PPP1R12B: variants seen among roughly 807,000 people sequenced by gnomAD.
PPP1R12B encodes myosin phosphatase target subunit 2.
Under a neutral mutation model 126.1 loss-of-function variants are expected in PPP1R12B, and 76 were observed. The observed-to-expected ratio is 0.60, with a 90% CI of 0.50 to 0.73. PPP1R12B has a LOEUF of 0.73. Among genes scored for constraint, PPP1R12B ranks in the 30% least tolerant of loss-of-function variants. The pLI is 0.00. For synonymous variants in PPP1R12B, 356 were observed against 434.7 expected, an observed-to-expected ratio of 0.82 and a Z score of 2.25; for missense variants, 1,052 against 1,205.1, an observed-to-expected ratio of 0.87 and a Z score of 1.88.
chr1:202,438,415 C>A, intron 10 of PPP1R12B: 1 of 497,782 alleles, frequency 2.0e-6, no homozygotes. Flanking sequence ...TGTGCTGAAC[C>A]CTCTAAGCCC....
intron 13 of PPP1R12B, among the ~76,000 whole-genome samples, chr1:202,464,530 CT>C (rs1394272923): frequency 6.6e-6 from 1 of 152,116 alleles, no homozygotes; most frequent in African/African-American, 2.4e-5. Flanking sequence ...CCTTTGTGCA[CT>C]TTCACCCTGG....
chr1:202,523,724 TG>T (rs745370998), intron 18 of PPP1R12B, among the ~76,000 whole-genome samples: 2 of 152,300 alleles, frequency 1.3e-5, no homozygotes, highest in African/African-American at 2.4e-5. Flanking sequence ...TGTTTTGTTT[TG>T]TTTTTTTGAG....
In PPP1R12B at chr1:202,562,043, G is replaced by A. The variant is rs142479568; in HGVS notation, c.2508-735G>A. On this transcript the variant is annotated intron_variant, in intron 19 of 23. Transcript: ENST00000608999. ...AAGTCTGAGAAAAATATAAACCAGC[G>A]TTAAGGATTTAGGGTGATAGTTGTA... 8.9e-3 allele frequency among the ~76,000 whole-genome samples: 1,355 copies of A among 152,294 alleles called. 12 individuals are homozygous for A. The highest frequency in any genetic ancestry group is 0.037 in the Middle Eastern group (11 of 294).
intron 4 of PPP1R12B, 41 bp downstream of exon 4, chr1:202,425,766 G>A (rs376940994): frequency 1.3e-6 from 2 of 1,561,406 alleles, no homozygotes; most frequent in African/African-American, 1.4e-5. Context: ...TTCACTGGGA[G>A]AAGATGGAAT....
At chr1:202,535,653 C>T in intron 18 of PPP1R12B, among the ~76,000 whole-genome samples, 1 of 152,064 alleles carries the variant, frequency 6.6e-6, no homozygotes, top group East Asian at 1.9e-4. Context: ...CTCTTTTTTA[C>T]CTACAAGAAA....
intron 1 of PPP1R12B, among the ~76,000 whole-genome samples, chr1:202,406,241 G>A (rs1432598443): frequency 6.6e-6 from 1 of 152,200 alleles, no homozygotes; most frequent in Non-Finnish European, 1.5e-5. Flanking sequence ...TAGACCACTG[G>A]GGGGCTGTGA....
intron 18 of PPP1R12B, among the ~76,000 whole-genome samples, chr1:202,527,887 C>CAA (rs1683515567): frequency 6.6e-6 from 1 of 152,168 alleles, no homozygotes; most frequent in African/African-American, 2.4e-5. Context: ...AGAATTGAGG[C>CAA]AAAGAAAAAC....
intron 18 of PPP1R12B, among the ~76,000 whole-genome samples, chr1:202,554,469 TCTC>T (rs973127330): frequency 6.6e-6 from 1 of 152,046 alleles, no homozygotes; most frequent in African/African-American, 2.4e-5. Context: ...ATTTATCTAC[TCTC>T]CTCTAATTGG....
At chr1:202,418,283 A>T (rs901707953) in intron 2 of PPP1R12B, among the ~76,000 whole-genome samples, 2 of 152,146 alleles carry the variant, frequency 1.3e-5, no homozygotes, top group Non-Finnish European at 2.9e-5. Flanking sequence ...TGGCCTTTCA[A>T]TTGCTATTTG....
At chr1:202,522,468 C>CAAGT (rs1203090460) in intron 18 of PPP1R12B, among the ~76,000 whole-genome samples, 1 of 151,434 alleles carries the variant, frequency 6.6e-6, no homozygotes. Flanking sequence ...ATAGAAGGTA[C>CAAGT]AAGTCCTTAA....
rs553834707 is a variant in PPP1R12B, at chr1:202,568,653, G to T, written c.2812-494G>T. ...GAACGGGAGAGAAGCAACTACAGGG[G>T]GAGGGAAGAAACTAGGGGGAGAGAT... is the stretch of plus-strand genomic sequence containing the variant. On this transcript the variant is annotated intron_variant, in intron 22 of 23. Transcript: ENST00000608999. Among the ~76,000 whole-genome samples the T allele has an allele frequency of 8.5e-5, 13 of 152,262 alleles. No individual in the cohort carries two copies. The East Asian group carries it at 2.5e-3, about 29-fold the overall frequency.
In PPP1R12B at chr1:202,587,139, T is replaced by C. The variant is rs1161599438; in HGVS notation, c.*6579T>C. The C allele has an allele frequency of 6.6e-6, 1 of 152,226 alleles. No homozygotes were observed. Among genetic ancestry groups the C allele is most frequent in the African/African-American group, 2.4e-5 (1 of 41,450 alleles). 9.4% of individuals were successfully genotyped at this position (152,226 alleles called of 1,614,324 possible). ...CTCCTCCAAATTTTTCCCTGATGTT[T>C]CCAATAAAGATTTACTTGGGTGGCC... On this transcript the variant is annotated 3_prime_UTR_variant, in exon 24 of 24. Transcript: ENST00000608999.
At chr1:202,399,616 C>T (rs1484569261) in intron 1 of PPP1R12B, among the ~76,000 whole-genome samples, 1 of 152,010 alleles carries the variant, frequency 6.6e-6, no homozygotes, top group Non-Finnish European at 1.5e-5. Flanking sequence ...CCTGCCTCAG[C>T]CTCCTGAGTA....
intron 13 of PPP1R12B, among the ~76,000 whole-genome samples, chr1:202,487,667 G>C (rs1270959456): frequency 6.6e-6 from 1 of 151,366 alleles, no homozygotes; most frequent in Admixed American, 6.6e-5. Context: ...GGAGTGCAGT[G>C]GTGCATTCTC....
At chr1:202,411,557 G>C (rs1035883928) in intron 1 of PPP1R12B, among the ~76,000 whole-genome samples, 3 of 151,800 alleles carry the variant, frequency 2.0e-5, no homozygotes, top group East Asian at 1.9e-4. Flanking sequence ...GGGTGGGAGG[G>C]GAGGGCTGTG....
At chr1:202,377,192 G>C (rs1311425350) in intron 1 of PPP1R12B, among the ~76,000 whole-genome samples, 1 of 151,374 alleles carries the variant, frequency 6.6e-6, no homozygotes, top group African/African-American at 2.4e-5. Flanking sequence ...TAGTGTAGAT[G>C]TTCTGAGAAG....
intron 23 of PPP1R12B, among the ~76,000 whole-genome samples, chr1:202,578,575 C>A (rs993711246): frequency 2.0e-5 from 3 of 152,180 alleles, no homozygotes; most frequent in Non-Finnish European, 2.9e-5. Context: ...AGGACTGCAA[C>A]TTTATTTTTA....
chr1:202,452,994 A>G (rs941303777), intron 13 of PPP1R12B, among the ~76,000 whole-genome samples: 25 of 152,220 alleles, frequency 1.6e-4, no homozygotes, highest in African/African-American at 5.5e-4. Context: ...CGATTGCTCT[A>G]GGTAGGACTT....
intron 1 of PPP1R12B, among the ~76,000 whole-genome samples, chr1:202,404,563 G>T (rs915354014): frequency 2.0e-5 from 3 of 151,916 alleles, no homozygotes; most frequent in Non-Finnish European, 4.4e-5. Context: ...GTGCAGTGGC[G>T]TGTCTTGGCT....
Sources: gnomAD v4.1 joint callset for allele counts (sites outside exome capture counted in the v4.1 genomes callset) on GRCh38, gnomAD v4.1.1 for gene constraint, MANE v1.5 for transcripts, NCBI Gene and HGNC (gene_info 2026-07-23, HGNC 2026-07-21) for gene names.